Variants in ACSBG1 observed in about 807,000 individuals in gnomAD.
ACSBG1 encodes the protein long-chain-fatty-acid--CoA ligase ACSBG1.
A neutral mutation model predicts 80.2 loss-of-function variants in ACSBG1; 39 were observed. That is an observed-to-expected ratio of 0.49 (90% CI 0.38 to 0.64). The LOEUF is 0.64. Ranked by LOEUF, ACSBG1 falls within the 30% of genes least tolerant of loss-of-function variation. ACSBG1 has a pLI of 0.00. For synonymous variants in ACSBG1, 392 were observed against 379.5 expected (o/e 1.03, Z -0.38); for missense variants, 828 against 966.4 (o/e 0.86, Z 1.90).
chr15:78,179,705 G>C lies in ACSBG1; in HGVS notation c.1329C>G (p.Ala443=), dbSNP rs1264415195. The C allele has an allele frequency of 6.2e-7, 1 of 1,614,116 alleles. No individual in the cohort carries two copies. Among genetic ancestry groups the C allele is most frequent in the Admixed American group, 1.7e-5 (1 of 60,022 alleles). ...LAKVRQALGF[A]KCQKNFYGAA... The stretch of plus-strand genomic sequence containing the variant: ...CTCCATAGAAGTTCTTTTGACACTT[G>C]GCAAATCCCAGTGCCTGGCGAACCT... Residue 443 remains alanine, a synonymous_variant, in exon 10 of 14, where the codon GCC becomes GCG. Coordinates refer to ENST00000258873, the MANE Select transcript of ACSBG1 (RefSeq NM_015162.5).
chr15:78,231,046 C>T (rs1319969044), intron 1 of ACSBG1, among the ~76,000 whole-genome samples: 2 of 152,162 alleles, frequency 1.3e-5, no homozygotes, highest in South Asian at 2.1e-4. Context: ...CTTGACCTCC[C>T]GGGCTCAATT....
At chr15:78,229,974 G>A (rs1222018314) in intron 1 of ACSBG1, among the ~76,000 whole-genome samples, 1 of 152,202 alleles carries the variant, frequency 6.6e-6, no homozygotes, top group East Asian at 1.9e-4. Flanking sequence ...ACAGCGCCCT[G>A]CTTGCCATCC....
intron 2 of ACSBG1, among the ~76,000 whole-genome samples, chr15:78,203,522 C>T (rs2141361537): frequency 6.6e-6 from 1 of 152,356 alleles, no homozygotes; most frequent in East Asian, 1.9e-4. Context: ...CCTCCCTCTC[C>T]CTCTGCCGCT....
intron 2 of ACSBG1, among the ~76,000 whole-genome samples, chr15:78,205,240 G>A (rs575285103): frequency 4.8e-4 from 72 of 150,472 alleles, no homozygotes; most frequent in African/African-American, 1.6e-3. Context: ...GCCTGACTTC[G>A]CACAGCTGCT....
chr15:78,227,201 A>G (rs8034758), intron 1 of ACSBG1, among the ~76,000 whole-genome samples: 72,239 of 134,072 alleles, frequency 0.54, 20,040 homozygotes, highest in East Asian at 0.67. Context: ...CCTGGGTGAC[A>G]GAGCGAGACC....
At chr15:78,205,458 C>A (rs147108150) in intron 2 of ACSBG1, among the ~76,000 whole-genome samples, 1 of 152,124 alleles carries the variant, frequency 6.6e-6, no homozygotes, top group Non-Finnish European at 1.5e-5. Flanking sequence ...GCTGGCCAGA[C>A]TTGTGGGGGC....
intron 2 of ACSBG1, among the ~76,000 whole-genome samples, chr15:78,196,480 C>T (rs2075115845): frequency 6.6e-6 from 1 of 152,154 alleles, no homozygotes. Context: ...TTGATGAGGA[C>T]ATGGGGACAC....
chr15:78,187,394 T>A (rs915581373), intron 5 of ACSBG1, among the ~76,000 whole-genome samples: 6 of 152,022 alleles, frequency 3.9e-5, no homozygotes, highest in Admixed American at 2.6e-4. Flanking sequence ...TAGACCAATA[T>A]CCTTGATGAA....
intron 2 of ACSBG1, among the ~76,000 whole-genome samples, chr15:78,198,773 T>C (rs2075139078): frequency 6.6e-6 from 1 of 152,252 alleles, no homozygotes; most frequent in Non-Finnish European, 1.5e-5. Flanking sequence ...GACTTAGGTT[T>C]TATTTTGTTG....
At chr15:78,225,245 C>CA (rs1322396016) in intron 1 of ACSBG1, among the ~76,000 whole-genome samples, 2 of 151,616 alleles carry the variant, frequency 1.3e-5, no homozygotes, top group African/African-American at 4.8e-5. Context: ...ACTAAAATTA[C>CA]AAAAAATTAG....
At chr15:78,196,642 C>T (rs917758509) in intron 2 of ACSBG1, among the ~76,000 whole-genome samples, 1 of 152,166 alleles carries the variant, frequency 6.6e-6, no homozygotes. Context: ...AAACACATGT[C>T]CCCACGAAGA....
chr15:78,178,917 T>A lies in ACSBG1; in HGVS notation c.1485-86A>T. 1 of 1,336,936 alleles carries A rather than the reference T, an allele frequency of 7.5e-7. No individual in the cohort carries two copies. The highest frequency in any genetic ancestry group is 1.0e-6 in the Non-Finnish European group (1 of 990,694). 82.8% of individuals were successfully genotyped at this position (1,336,936 alleles called of 1,614,324 possible). The stretch of plus-strand genomic sequence containing the variant: ...GGGAGCCGGGGTCCCAACTGCTCGG[T>A]CTTCACTGATTGCTAGAAGGTATCC... On this transcript the variant is annotated intron_variant, in intron 10 of 13. Transcript: ENST00000258873. The surrounding 1 kb of genome is among the most constrained non-coding windows in gnomAD (Gnocchi z 4.3).
intron 1 of ACSBG1, among the ~76,000 whole-genome samples, chr15:78,220,861 G>C (rs1445526092): frequency 6.6e-6 from 1 of 152,198 alleles, no homozygotes; most frequent in Admixed American, 6.5e-5. Flanking sequence ...TATACTGCTG[G>C]TGGGAATGCA....
chr15:78,186,280 A>G (rs62009348), intron 5 of ACSBG1, among the ~76,000 whole-genome samples: 7,374 of 152,310 alleles, frequency 0.048, 206 homozygotes, highest in South Asian at 0.17. Context: ...CAGAAAGTTA[A>G]CAAGGATACC....
intron 5 of ACSBG1, among the ~76,000 whole-genome samples, chr15:78,190,524 T>C (rs1422866463): frequency 1.4e-5 from 2 of 142,684 alleles, no homozygotes; most frequent in South Asian, 2.6e-4. Context: ...TGAGCCATGA[T>C]TGCACCACTG....
At chr15:78,227,304 T>C (rs1189482678) in intron 1 of ACSBG1, among the ~76,000 whole-genome samples, 1 of 144,318 alleles carries the variant, frequency 6.9e-6, no homozygotes, top group African/African-American at 2.5e-5. Flanking sequence ...TTCCAATACA[T>C]ATATCTGACA....
chr15:78,207,471 TG>T (rs1290810420), intron 2 of ACSBG1, among the ~76,000 whole-genome samples: 5 of 152,202 alleles, frequency 3.3e-5, no homozygotes, highest in Non-Finnish European at 5.9e-5. Context: ...ATTATCATTT[TG>T]ATGACTCTTC....
intron 2 of ACSBG1, among the ~76,000 whole-genome samples, chr15:78,206,973 C>T (rs1379172550): frequency 6.6e-6 from 1 of 152,230 alleles, no homozygotes; most frequent in African/African-American, 2.4e-5. Flanking sequence ...GTGGCCCAGG[C>T]CCCTGGTGCC....
chr15:78,178,806 G>A lies in ACSBG1; in HGVS notation c.1510C>T (p.Arg504Trp), dbSNP rs376320942. 5.0e-5 allele frequency: 81 copies of A among 1,612,832 alleles called. No individual in the cohort carries two copies. The highest frequency in any genetic ancestry group is 1.5e-5 in the Non-Finnish European group (18 of 1,179,984). Residue 504 changes from arginine to tryptophan, a missense_variant, in exon 11 of 14, where the codon CGG (arginine) becomes TGG (tryptophan). Physicochemically the swap from Arg to Trp is moderately radical, Grantham distance 101. Coordinates refer to ENST00000258873, the MANE Select transcript of ACSBG1 (RefSeq NM_015162.5). This position sits in a 1 kb window ranked among gnomAD's most constrained non-coding sequence, Gnocchi z 4.3. ...GCGTCCTGGTTCACCAGCTTCACCC[G>A]ACAGCCGGGCACCAACTTGCCTGAG... ...YSSGKLVPGC[R>W]VKLVNQDAEG...
Sources: allele counts gnomAD v4.1 joint callset (sites outside exome capture counted in the v4.1 genomes callset), GRCh38; gene constraint gnomAD v4.1.1; non-coding constraint Gnocchi (gnomAD v3.1); transcripts MANE v1.5; gene names NCBI Gene and HGNC (gene_info 2026-07-23, HGNC 2026-07-21).